The following PALLD variants were observed in gnomAD, a reference collection of about 807,000 sequenced individuals.
PALLD encodes the protein palladin, cytoskeletal associated protein.
PALLD carries 61 observed loss-of-function variants against 123.5 expected under a neutral mutation model. The observed-to-expected ratio is 0.49, with a 90% CI of 0.40 to 0.61. The LOEUF (loss-of-function observed/expected upper bound fraction) is 0.61. PALLD is among the 20% of genes least tolerant of loss of function. The pLI, the probability that PALLD is intolerant of heterozygous loss-of-function variation, is 0.00. For missense variants in PALLD, 1,273 were observed against 1,377.0 expected (o/e 0.92, Z 1.20); for synonymous variants, 465 against 496.4 (o/e 0.94, Z 0.84).
chr4:168,883,921 TTA>T (rs1359781412), intron 10 of PALLD, among the ~76,000 whole-genome samples: 20 of 140,710 alleles, frequency 1.4e-4, no homozygotes, highest in Admixed American at 8.2e-4. Context: ...GAATACTATT[TTA>T]TTTTTTTTTA....
At chr4:168,857,096 C>G (rs1748713781) in intron 10 of PALLD, among the ~76,000 whole-genome samples, 1 of 152,226 alleles carries the variant, frequency 6.6e-6, no homozygotes, top group South Asian at 2.1e-4. Context: ...ATTTTCTAGA[C>G]CAGTCTTCCT....
At chr4:168,569,173 C>T (rs995575910) in intron 2 of PALLD, among the ~76,000 whole-genome samples, 2 of 152,180 alleles carry the variant, frequency 1.3e-5, no homozygotes, top group South Asian at 4.2e-4. Context: ...CAAACAATAG[C>T]TACTCTTATC....
At chr4:168,879,923 G>A (rs1338888972) in intron 10 of PALLD, among the ~76,000 whole-genome samples, 3 of 151,856 alleles carry the variant, frequency 2.0e-5, no homozygotes, top group Non-Finnish European at 4.4e-5. Context: ...TTGGTACAAA[G>A]AAGCTGTTAG....
chr4:168,571,832 T>G (rs1439935425), intron 2 of PALLD, among the ~76,000 whole-genome samples: 1 of 152,196 alleles, frequency 6.6e-6, no homozygotes, highest in Non-Finnish European at 1.5e-5. Context: ...GTTAATGTTC[T>G]GAATAATTCT....
chr4:168,753,896 C>A (rs1465180698), intron 10 of PALLD, among the ~76,000 whole-genome samples: 1 of 152,178 alleles, frequency 6.6e-6, no homozygotes, highest in Non-Finnish European at 1.5e-5. Context: ...AAATTCTTGC[C>A]TCAGAGAAAC....
At chr4:168,670,718 C>G (rs1392806310) in intron 3 of PALLD, among the ~76,000 whole-genome samples, 3 of 133,280 alleles carry the variant, frequency 2.3e-5, no homozygotes, top group African/African-American at 8.8e-5. Context: ...CTGGCCTGGG[C>G]GACAGAGCGA....
chr4:168,833,306 C>G (rs1484657223), intron 10 of PALLD, among the ~76,000 whole-genome samples: 1 of 151,482 alleles, frequency 6.6e-6, no homozygotes, highest in Admixed American at 6.6e-5. Context: ...CCTGCGGAGC[C>G]GGGTCTTGCG....
chr4:168,818,828 G>T (rs2150781829), intron 10 of PALLD, among the ~76,000 whole-genome samples: 1 of 152,116 alleles, frequency 6.6e-6, no homozygotes, highest in South Asian at 2.1e-4. Flanking sequence ...GCCTATGAAG[G>T]CAAAAAATGT....
At chr4:168,802,935 A>ACC (rs1397209172) in intron 10 of PALLD, among the ~76,000 whole-genome samples, 1 of 151,982 alleles carries the variant, frequency 6.6e-6, no homozygotes, top group African/African-American at 2.4e-5. Flanking sequence ...CAGGTGATTC[A>ACC]CCCACCTTGG....
At chr4:168,816,879 AG>A (rs1742047185) in intron 10 of PALLD, among the ~76,000 whole-genome samples, 2 of 100,836 alleles carry the variant, frequency 2.0e-5, no homozygotes, top group East Asian at 5.8e-4. Context: ...TGTGTAGAAA[AG>A]GGGGAGCCGT....
rs542531106 is a variant in PALLD at position 168,926,497 on chromosome 4, A to T, written c.*317A>T. On this transcript the variant is annotated 3_prime_UTR_variant, in exon 22 of 22. Coordinates refer to ENST00000505667, the MANE Select transcript of PALLD (RefSeq NM_001166108.2). The stretch of plus-strand genomic sequence containing the variant: ...ACATACCTTTGACTATAAGAAATTA[A>T]AAAAAAAACACCAAAATAATATTTT... The T allele has an allele frequency of 2.4e-3, 1,292 of 544,446 alleles. 16 individuals are homozygous for T. In the African/African-American group the frequency reaches 0.071, roughly 30 times the overall value. The allele number at this position is 544,446 out of a possible 1,614,324, so 33.7% of individuals were successfully genotyped here.
chr4:168,775,881 T>C (rs1359500564), intron 10 of PALLD, among the ~76,000 whole-genome samples: 1 of 152,206 alleles, frequency 6.6e-6, no homozygotes, highest in African/African-American at 2.4e-5. Context: ...TCTATTCTGT[T>C]CAATTAGTCT....
chr4:168,606,252 T>C (rs1198731297), intron 2 of PALLD, among the ~76,000 whole-genome samples: 5 of 152,184 alleles, frequency 3.3e-5, no homozygotes, highest in Non-Finnish European at 7.3e-5. Flanking sequence ...CTTTCCTCTT[T>C]GTGCCTGTAA....
chr4:168,670,608 C>T (rs935229691), intron 3 of PALLD, among the ~76,000 whole-genome samples: 1 of 150,976 alleles, frequency 6.6e-6, no homozygotes, highest in Non-Finnish European at 1.5e-5. Flanking sequence ...TGGCGGGCGC[C>T]TGTAGTCCCA....
At chr4:168,509,039 G>A (rs1032099791) in intron 1 of PALLD, among the ~76,000 whole-genome samples, 1 of 152,140 alleles carries the variant, frequency 6.6e-6, no homozygotes, top group African/African-American at 2.4e-5. Flanking sequence ...TACCATTGCT[G>A]GATTGGCTCT....
Position 168,896,715 on chromosome 4 carries a change from T to C in PALLD, c.2250+116T>C, listed in dbSNP as rs1171636111. The C allele has an allele frequency of 1.4e-5, 9 of 663,816 alleles. No homozygotes were observed. The Admixed American group carries it at 2.4e-4, about 18-fold the overall frequency. The allele number at this position is 663,816 out of a possible 1,614,324, so 41.1% of individuals were successfully genotyped here. The stretch of plus-strand genomic sequence containing the variant: ...TGCCATATATTAATTATAAATGCTA[T>C]GACCAGTGTCTGTTTCATTTAATAT... On this transcript the variant is annotated intron_variant, in intron 13 of 21. Coordinates refer to ENST00000505667, the MANE Select transcript of PALLD (RefSeq NM_001166108.2).
chr4:168,779,288 T>G (rs1232494521), intron 10 of PALLD, among the ~76,000 whole-genome samples: 1 of 152,206 alleles, frequency 6.6e-6, no homozygotes, highest in Non-Finnish European at 1.5e-5. Context: ...AAGATTCTTT[T>G]TGCAATTTTG....
intron 3 of PALLD, among the ~76,000 whole-genome samples, chr4:168,678,414 G>C (rs1781085808): frequency 6.6e-6 from 1 of 152,154 alleles, no homozygotes; most frequent in Admixed American, 6.5e-5. Flanking sequence ...TTTCTAGCAG[G>C]CATGATATTC....
intron 10 of PALLD, among the ~76,000 whole-genome samples, chr4:168,787,338 A>T (rs1304997716): frequency 6.6e-6 from 1 of 152,172 alleles, no homozygotes; most frequent in African/African-American, 2.4e-5. Flanking sequence ...AGCACAAGAG[A>T]TCAAGGGAAA....
Sources: gnomAD v4.1 joint callset for allele counts (sites outside exome capture counted in the v4.1 genomes callset) on GRCh38, gnomAD v4.1.1 for gene constraint, MANE v1.5 for transcripts, NCBI Gene and HGNC (gene_info 2026-07-23, HGNC 2026-07-21) for gene names.